DIAPH2: variants seen among roughly 807,000 people sequenced by gnomAD.
DIAPH2 encodes protein diaphanous homolog 2.
A neutral mutation model predicts 92.7 loss-of-function variants in DIAPH2; 35 were observed. The observed-to-expected ratio is 0.38, with a 90% CI of 0.29 to 0.50. DIAPH2 has a LOEUF of 0.50. DIAPH2 is among the 20% of genes least tolerant of loss of function. DIAPH2 has a pLI of 0.94. For synonymous variants in DIAPH2, 301 were observed against 280.4 expected, an observed-to-expected ratio of 1.07 and a Z score of -0.73; for missense variants, 701 against 819.5, an observed-to-expected ratio of 0.86 and a Z score of 1.77.
At chrX:97,551,365 G>A (rs2071217888) in intron 26 of DIAPH2, among the ~76,000 whole-genome samples, 1 of 110,992 alleles carries the variant, frequency 9.0e-6, no homozygotes, top group African/African-American at 3.3e-5. Flanking sequence ...TGAGACAGGT[G>A]GATCACCTGA....
intron 26 of DIAPH2, among the ~76,000 whole-genome samples, chrX:97,515,231 C>T (rs183335761): frequency 4.5e-4 from 51 of 112,486 alleles, no homozygotes; most frequent in Admixed American, 4.1e-3. Context: ...TTTTTAAGCC[C>T]GTCGGAAAAG....
At position 97,602,811 on chromosome X, in the gene DIAPH2, CT is replaced by C. The variant is rs766927807; in HGVS notation, c.*3495del. 134 of 112,303 alleles carry C rather than the reference CT, an allele frequency of 1.2e-3. No individual in the cohort carries two copies. The highest frequency in any genetic ancestry group is 4.1e-3 in the African/African-American group (126 of 30,923). 9.3% of individuals were successfully genotyped at this position (112,303 alleles called of 1,213,427 possible). The stretch of plus-strand genomic sequence containing the variant: ...GAAGTTTTATCAACGGGTTTCCTAC[CT>C]GTAGAATTCTGGCAGTCTCACAATC... On this transcript the variant is annotated 3_prime_UTR_variant, in exon 27 of 27. Coordinates refer to ENST00000324765, the MANE Select transcript of DIAPH2 (RefSeq NM_006729.5).
intron 19 of DIAPH2, among the ~76,000 whole-genome samples, chrX:97,098,703 G>A (rs2066885747): frequency 8.9e-6 from 1 of 112,593 alleles, no homozygotes; most frequent in Non-Finnish European, 1.9e-5. Flanking sequence ...GGGATTACAG[G>A]CATGAACCAC....
chrX:96,975,155 A>G (rs1259410479), intron 17 of DIAPH2, among the ~76,000 whole-genome samples: 2 of 111,707 alleles, frequency 1.8e-5, no homozygotes, highest in East Asian at 5.6e-4. Flanking sequence ...CATAGCTTCA[A>G]CCTTATGGTG....
At chrX:97,281,589 A>C (rs1231031818) in intron 23 of DIAPH2, among the ~76,000 whole-genome samples, 1 of 110,210 alleles carries the variant, frequency 9.1e-6, no homozygotes. Flanking sequence ...CTAAAAATAC[A>C]AAAAATTAGC....
intron 26 of DIAPH2, among the ~76,000 whole-genome samples, chrX:97,505,527 C>G: frequency 9.0e-6 from 1 of 111,679 alleles, no homozygotes; most frequent in Middle Eastern, 4.6e-3. Flanking sequence ...GAGCCAATAG[C>G]CTCATCACAT....
chrX:96,751,652 G>GTTTTTTTTGTTTTTT (rs2064190605), intron 3 of DIAPH2, among the ~76,000 whole-genome samples: 1 of 60,312 alleles, frequency 1.7e-5, no homozygotes, highest in Non-Finnish European at 3.1e-5. Flanking sequence ...TCAGTGTTTT[G>GTTTTTTTTGTTTTTT]TTTTTTTTTT....
intron 17 of DIAPH2, among the ~76,000 whole-genome samples, chrX:97,040,499 A>C (rs768882947): frequency 3.6e-4 from 40 of 110,369 alleles, no homozygotes; most frequent in Middle Eastern, 4.7e-3. Flanking sequence ...CTGCTCTATT[A>C]GTCTGTATTT....
intron 19 of DIAPH2, among the ~76,000 whole-genome samples, chrX:97,089,493 A>G (rs1186878013): frequency 8.9e-6 from 1 of 111,774 alleles, no homozygotes; most frequent in African/African-American, 3.3e-5. Flanking sequence ...AACTCTGCTC[A>G]ACCAACATAA....
chrX:97,449,280 T>G, intron 26 of DIAPH2, among the ~76,000 whole-genome samples: 1 of 111,956 alleles, frequency 8.9e-6, no homozygotes, highest in Non-Finnish European at 1.9e-5. Flanking sequence ...AGTCTCAGCT[T>G]TTATTGATAA....
intron 4 of DIAPH2, among the ~76,000 whole-genome samples, chrX:96,796,460 G>A (rs1478406981): frequency 1.8e-5 from 2 of 112,232 alleles, no homozygotes; most frequent in Non-Finnish European, 3.8e-5. Flanking sequence ...GATTACAGGC[G>A]TGAGCCACCA....
chrX:96,838,895 A>G (rs1045516207), intron 4 of DIAPH2, among the ~76,000 whole-genome samples: 4 of 111,868 alleles, frequency 3.6e-5, no homozygotes, highest in African/African-American at 1.3e-4. Context: ...GAATTTCCCT[A>G]AGTCATTATT....
intron 18 of DIAPH2, among the ~76,000 whole-genome samples, chrX:97,074,232 C>T (rs1421037759): frequency 9.0e-6 from 1 of 110,903 alleles, no homozygotes; most frequent in African/African-American, 3.3e-5. Flanking sequence ...CATGGTGAAA[C>T]CCCGCCTCTA....
intron 14 of DIAPH2, among the ~76,000 whole-genome samples, chrX:96,947,059 A>G (rs2065742354): frequency 8.9e-6 from 1 of 111,787 alleles, no homozygotes; most frequent in Non-Finnish European, 1.9e-5. Context: ...TGGGTAAGCC[A>G]CTTACTCTCT....
chrX:97,046,048 G>A (rs1382865015), intron 17 of DIAPH2, among the ~76,000 whole-genome samples: 1 of 108,025 alleles, frequency 9.3e-6, no homozygotes, highest in African/African-American at 3.4e-5. Context: ...GGAAGAGACA[G>A]GGTTTTGTCA....
intron 4 of DIAPH2, among the ~76,000 whole-genome samples, chrX:96,788,979 G>A (rs770320738): frequency 8.9e-6 from 1 of 112,473 alleles, no homozygotes; most frequent in African/African-American, 3.2e-5. Flanking sequence ...TGTGTTGAAG[G>A]TTTTTAAGAG....
rs377393598 is a variant in DIAPH2 at position 97,494,360 on chromosome X, C to T, written c.3241+64615C>T. ...CATACATAATTTCTACCTCTGTTGA[C>T]ATTCTCATTTTGTTGCTGAATTATT... On this transcript the variant is annotated intron_variant, in intron 26 of 26. Transcript: ENST00000324765. 1.3e-4 allele frequency among the ~76,000 whole-genome samples: 14 copies of T among 110,734 alleles called. No individual in the cohort carries two copies. The South Asian group carries it at 5.0e-3, about 40-fold the overall frequency.
At chrX:96,708,399 G>A (rs770957552) in intron 1 of DIAPH2, among the ~76,000 whole-genome samples, 3 of 109,528 alleles carry the variant, frequency 2.7e-5, no homozygotes, top group East Asian at 5.8e-4. Flanking sequence ...CTGCCACCGC[G>A]CCTGGCTAAT....
chrX:97,426,451 G>A (rs747669429), intron 25 of DIAPH2, among the ~76,000 whole-genome samples: 1 of 110,308 alleles, frequency 9.1e-6, no homozygotes, highest in Non-Finnish European at 1.9e-5. Context: ...ATCACACCTG[G>A]CTAATTTTTT....
Sources: gnomAD v4.1 joint callset for allele counts (sites outside exome capture counted in the v4.1 genomes callset) on GRCh38, gnomAD v4.1.1 for gene constraint, MANE v1.5 for transcripts, NCBI Gene and HGNC (gene_info 2026-07-23, HGNC 2026-07-21) for gene names.